SPTLC3: variants seen among roughly 807,000 people sequenced by gnomAD.
SPTLC3 encodes serine palmitoyltransferase long chain base subunit 3.
SPTLC3 carries 36 observed loss-of-function variants against 59.3 expected under a neutral mutation model. The ratio of observed to expected loss-of-function variants is 0.61; its 90% CI spans 0.47 to 0.80. The LOEUF is 0.80. Ranked by LOEUF, SPTLC3 falls within the 30% of genes least tolerant of loss-of-function variation. The pLI is 0.00. For synonymous variants in SPTLC3, 257 were observed against 240.8 expected, an observed-to-expected ratio of 1.07 and a Z score of -0.62; for missense variants, 625 against 685.1, an observed-to-expected ratio of 0.91 and a Z score of 0.98.
At chr20:13,142,575 C>T (rs2038409952) in intron 9 of SPTLC3, among the ~76,000 whole-genome samples, 1 of 152,182 alleles carries the variant, frequency 6.6e-6, no homozygotes, top group Non-Finnish European at 1.5e-5. Context: ...CTTTCTATTT[C>T]TACATTACGA....
chr20:13,056,449 C>CT lies in SPTLC3; in HGVS notation c.303+7326dup, dbSNP rs1277714015. 6.9e-4 allele frequency among the ~76,000 whole-genome samples: 42 copies of CT among 60,940 alleles called. 1 individual carries two copies. The South Asian group carries it at 0.015, about 22-fold the overall frequency. 40.0% of individuals were successfully genotyped at this position (60,940 alleles called of 152,430 possible). ...CCCTGTCCATAGACTGACGCTTTAA[C>CT]TTTTTTTCTTTTTTTTTTTTTTGAG... On this transcript the variant is annotated intron_variant, in intron 2 of 11. Transcript: ENST00000399002.
At chr20:13,093,980 C>T (rs1013106589) in intron 6 of SPTLC3, among the ~76,000 whole-genome samples, 2 of 152,156 alleles carry the variant, frequency 1.3e-5, no homozygotes, top group African/African-American at 4.8e-5. Flanking sequence ...AGAAGAATGC[C>T]TCCTTTCACT....
At chr20:13,087,048 G>A (rs1184019912) in intron 4 of SPTLC3, among the ~76,000 whole-genome samples, 4 of 151,948 alleles carry the variant, frequency 2.6e-5, no homozygotes, top group Non-Finnish European at 2.9e-5. Context: ...CTCCTGCCTC[G>A]GCCTCCCAAA....
intron 1 of SPTLC3, among the ~76,000 whole-genome samples, chr20:13,026,124 G>T (rs1034338098): frequency 4.6e-5 from 7 of 152,084 alleles, no homozygotes; most frequent in East Asian, 1.9e-4. Context: ...TATCCAGTTT[G>T]TCACTGATAA....
chr20:13,040,075 GTGTA>G (rs1040578526), intron 1 of SPTLC3, among the ~76,000 whole-genome samples: 123 of 141,016 alleles, frequency 8.7e-4, no homozygotes, highest in Non-Finnish European at 1.8e-3. Context: ...GTGTGTGTGT[GTGTA>G]TGTATACATA....
chr20:13,042,306 G>T (rs971141100), intron 1 of SPTLC3, among the ~76,000 whole-genome samples: 1 of 152,134 alleles, frequency 6.6e-6, no homozygotes, highest in Non-Finnish European at 1.5e-5. Flanking sequence ...AGTTATCTTG[G>T]GGAATGCTCT....
At chr20:13,011,505 G>C (rs1391835918) in intron 1 of SPTLC3, among the ~76,000 whole-genome samples, 2 of 152,160 alleles carry the variant, frequency 1.3e-5, no homozygotes, top group Non-Finnish European at 2.9e-5. Context: ...GACCCTACAA[G>C]ATTCTGTTGA....
At chr20:13,120,931 G>A (rs894906588) in intron 8 of SPTLC3, among the ~76,000 whole-genome samples, 1 of 152,194 alleles carries the variant, frequency 6.6e-6, no homozygotes, top group African/African-American at 2.4e-5. Context: ...CTAACATGGA[G>A]GAGTCTGTCC....
At chr20:13,152,773 T>G (rs1162384736) in intron 9 of SPTLC3, among the ~76,000 whole-genome samples, 1 of 152,186 alleles carries the variant, frequency 6.6e-6, no homozygotes, top group Non-Finnish European at 1.5e-5. Flanking sequence ...AGTATGGTTC[T>G]CTGGAGGAGG....
intron 1 of SPTLC3, among the ~76,000 whole-genome samples, chr20:13,031,509 T>A (rs918433822): frequency 1.3e-5 from 2 of 152,198 alleles, no homozygotes; most frequent in Admixed American, 1.3e-4. Context: ...TGTATAAACA[T>A]GAAATAAATT....
intron 4 of SPTLC3, among the ~76,000 whole-genome samples, chr20:13,089,900 A>G (rs1217555411): frequency 6.6e-6 from 1 of 152,238 alleles, no homozygotes; most frequent in Non-Finnish European, 1.5e-5. Flanking sequence ...TCATAAAGAC[A>G]TTAAATTTCC....
At chr20:13,085,396 T>C (rs964298337) in intron 4 of SPTLC3, among the ~76,000 whole-genome samples, 2 of 152,138 alleles carry the variant, frequency 1.3e-5, no homozygotes, top group Non-Finnish European at 2.9e-5. Context: ...ATGCTGGCTT[T>C]AATGCAAGAA....
intron 1 of SPTLC3, among the ~76,000 whole-genome samples, chr20:13,025,128 G>C (rs1053363639): frequency 2.6e-5 from 4 of 152,086 alleles, no homozygotes; most frequent in Admixed American, 1.3e-4. Flanking sequence ...AGATCACCAC[G>C]TCAGAGAAAA....
intron 7 of SPTLC3, among the ~76,000 whole-genome samples, chr20:13,111,433 C>A (rs1274421140): frequency 1.3e-5 from 2 of 152,204 alleles, no homozygotes; most frequent in Non-Finnish European, 2.9e-5. Context: ...TGGACAGAGG[C>A]CAGGGATGCT....
chr20:13,144,525 C>A (rs376611207), intron 9 of SPTLC3, among the ~76,000 whole-genome samples: 1 of 152,170 alleles, frequency 6.6e-6, no homozygotes, highest in Non-Finnish European at 1.5e-5. Flanking sequence ...TAGAACCTAA[C>A]GCACAAATCT....
chr20:13,164,659 GTGTGTC>G (rs2038961128), intron 11 of SPTLC3, 89 bp from the exon 12 acceptor site: 1 of 861,570 alleles, frequency 1.2e-6, no homozygotes, highest in African/African-American at 1.7e-5. Flanking sequence ...AACTAAGACT[GTGTGTC>G]TTTGTGAGGC....
Position 13,062,689 on chromosome 20 carries a change from G to A in SPTLC3, c.304-9567G>A, listed in dbSNP as rs188862377. Reference sequence around the variant, plus strand: ...GTGCACTTAACTACACTTAACGTTCGTGTGTACTTACTCTGTCCTTTATGG... The same window carrying A: ...GTGCACTTAACTACACTTAACGTTCATGTGTACTTACTCTGTCCTTTATGG... On this transcript the variant is annotated intron_variant, in intron 2 of 11. Coordinates refer to ENST00000399002, the MANE Select transcript of SPTLC3 (RefSeq NM_018327.4). 7.2e-5 allele frequency among the ~76,000 whole-genome samples: 11 copies of A among 152,150 alleles called. No individual in the cohort carries two copies. The East Asian group carries it at 1.2e-3, about 16-fold the overall frequency.
At chr20:13,090,776 T>A (rs1989184661) in intron 4 of SPTLC3, among the ~76,000 whole-genome samples, 1 of 152,242 alleles carries the variant, frequency 6.6e-6, no homozygotes, top group Non-Finnish European at 1.5e-5. Context: ...CTGTACTTTT[T>A]TAGATGTCTG....
chr20:13,065,281 TCTA>T (rs1988154146), intron 2 of SPTLC3, among the ~76,000 whole-genome samples: 1 of 146,596 alleles, frequency 6.8e-6, no homozygotes, highest in Non-Finnish European at 1.5e-5. Flanking sequence ...TTTTTTTTTT[TCTA>T]AAGTGTTTCT....
Sources: gnomAD v4.1 joint callset for allele counts (sites outside exome capture counted in the v4.1 genomes callset) on GRCh38, gnomAD v4.1.1 for gene constraint, MANE v1.5 for transcripts, NCBI Gene and HGNC (gene_info 2026-07-23, HGNC 2026-07-21) for gene names.